The following MTMR12 variants were observed in gnomAD, a reference collection of about 807,000 sequenced individuals.
MTMR12 encodes myotubularin related protein 12.
In MTMR12, 33 loss-of-function variants were observed where a neutral mutation model predicts 96.7. The ratio of observed to expected loss-of-function variants is 0.34; its 90% CI spans 0.26 to 0.46. MTMR12 has a LOEUF of 0.46. Ranked by LOEUF, MTMR12 falls within the 20% of genes least tolerant of loss-of-function variation. The pLI is 1.00. For synonymous variants in MTMR12, 298 were observed against 327.2 expected, an observed-to-expected ratio of 0.91 and a Z score of 0.96; for missense variants, 721 against 896.1, an observed-to-expected ratio of 0.80 and a Z score of 2.49.
At chr5:32,303,847 C>CAAAAAA (rs57459005) in intron 1 of MTMR12, among the ~76,000 whole-genome samples, 5 of 68,370 alleles carry the variant, frequency 7.3e-5, no homozygotes, top group South Asian at 6.4e-4. Context: ...TTTGCCATCT[C>CAAAAAA]AAAAAAAAAA....
intron 1 of MTMR12, among the ~76,000 whole-genome samples, chr5:32,311,208 AT>A (rs35767540): frequency 1.3e-5 from 2 of 152,158 alleles, no homozygotes; most frequent in East Asian, 1.9e-4. Flanking sequence ...ACCCACAAAA[AT>A]TTTTTAAATG....
rs1031843826 is a variant in MTMR12, at chr5:32,241,461, T to C, written c.1171+596A>G. On this transcript the variant is annotated intron_variant, in intron 12 of 15. Coordinates refer to ENST00000382142, the MANE Select transcript of MTMR12 (RefSeq NM_001040446.3). ...AGCATGAGACAATCTACTTAATTTA[T>C]AGTGTGGGGCTAAACGAAACATAGT... 2.0e-5 allele frequency among the ~76,000 whole-genome samples: 3 copies of C among 152,224 alleles called. 1 individual carries two copies. Among genetic ancestry groups the C allele is most frequent in the Non-Finnish European group, 4.4e-5 (3 of 68,034 alleles).
rs140192652 is a variant in MTMR12 at position 32,248,807 on chromosome 5, G to A, written c.861C>T (p.Asp287=). ...AGCTCTTTTGGATTTGTAAAATGCC[G>A]TCATCCTGTTCTTTGGGCAGTGCTG... ...KMSALPKEQD[D]GILQIQKSFL... is the part of the protein sequence containing the mutation. Residue 287 remains aspartate (D), a synonymous_variant, in exon 9 of 16, where the codon GAC becomes GAT. Coordinates refer to ENST00000382142, the MANE Select transcript of MTMR12 (RefSeq NM_001040446.3). The A allele has an allele frequency of 1.1e-4, 185 of 1,614,100 alleles. No individual in the cohort carries two copies. In the African/African-American group the frequency reaches 2.0e-3, roughly 18 times the overall value.
intron 1 of MTMR12, among the ~76,000 whole-genome samples, chr5:32,293,360 A>G (rs1209336490): frequency 1.3e-5 from 2 of 152,258 alleles, no homozygotes; most frequent in East Asian, 1.9e-4. Context: ...GGCAAAAAAA[A>G]GGTGAAAAGG....
At position 32,263,128 on chromosome 5, in the gene MTMR12, T is replaced by C; in HGVS notation, c.698A>G (p.Tyr233Cys). 6.2e-7 allele frequency: 1 copy of C among 1,614,224 alleles called. No homozygotes were observed. The highest frequency in any genetic ancestry group is 8.5e-7 in the Non-Finnish European group (1 of 1,180,032). ...GAAAGCTTACCTCTCACAGACTTTATAGCCTTCGTTGACACTCACTGCTTT... is the reference window on the plus strand; with the variant it reads ...GAAAGCTTACCTCTCACAGACTTTACAGCCTTCGTTGACACTCACTGCTTT... ...KYKAVSVNEGYKVCERLPAYF... is the reference protein window; with the variant it reads ...KYKAVSVNEGCKVCERLPAYF... The change falls in exon 7 of 16, where the codon TAT (tyrosine) becomes TGT (cysteine). Residue 233 changes from tyrosine (Y) to cysteine (C), a missense_variant. Transcript: ENST00000382142.
rs971163413 is a variant in MTMR12 at position 32,305,669 on chromosome 5, C to G, written c.81+7089G>C. Among the ~76,000 whole-genome samples, 5 of 152,156 alleles carry G rather than the reference C, an allele frequency of 3.3e-5. No homozygotes were observed. In the East Asian group the frequency reaches 7.8e-4, roughly 24 times the overall value. On this transcript the variant is annotated intron_variant, in intron 1 of 15. Coordinates refer to ENST00000382142, the MANE Select transcript of MTMR12 (RefSeq NM_001040446.3). ...CTGTAATCCCAGCACTTTGGGAGGC[C>G]AAGGCAGGTGGATCACCTGAGGTTG...
intron 4 of MTMR12, among the ~76,000 whole-genome samples, chr5:32,271,239 G>C (rs1473974425): frequency 6.6e-6 from 1 of 152,100 alleles, no homozygotes; most frequent in Non-Finnish European, 1.5e-5. Context: ...TCTGAAAGTT[G>C]AGCTTATAAA....
chr5:32,309,611 C>T (rs1257743061), intron 1 of MTMR12: 2 of 152,044 alleles, frequency 1.3e-5, no homozygotes, highest in Non-Finnish European at 2.9e-5. Context: ...TACATGAAAA[C>T]GTGCTTAACA....
At chr5:32,299,467 C>T (rs759434221) in intron 1 of MTMR12, among the ~76,000 whole-genome samples, 9 of 152,318 alleles carry the variant, frequency 5.9e-5, no homozygotes, top group African/African-American at 1.2e-4. Flanking sequence ...TTTAAGCTAA[C>T]GGATGTGACT....
At chr5:32,232,143 A>G (rs1238458420) in intron 15 of MTMR12, among the ~76,000 whole-genome samples, 3 of 152,112 alleles carry the variant, frequency 2.0e-5, no homozygotes, top group Admixed American at 6.5e-5. Flanking sequence ...TGCGGCTGAC[A>G]CCGAGGCTGC....
chr5:32,244,271 CCT>C (rs1362034048), intron 10 of MTMR12, among the ~76,000 whole-genome samples: 1 of 150,718 alleles, frequency 6.6e-6, no homozygotes, highest in Non-Finnish European at 1.5e-5. Context: ...AGAGTGAGAC[CCT>C]GTTTCTAAAA....
chr5:32,249,319 G>A (rs181321671), intron 8 of MTMR12, among the ~76,000 whole-genome samples: 37 of 152,238 alleles, frequency 2.4e-4, no homozygotes, highest in African/African-American at 8.7e-4. Flanking sequence ...AGAGATGGAA[G>A]GACTTTCCCA....
At position 32,230,270 on chromosome 5, in the gene MTMR12, A is replaced by G. The variant is rs1315903973; in HGVS notation, c.1752T>C (p.Asp584=). Reference sequence around the variant, plus strand: ...TGCCCAGAAGGTTTTTAATTAAATGATCTGTTTCTTCCCTGAAAAATCCTC... The same window carrying G: ...TGCCCAGAAGGTTTTTAATTAAATGGTCTGTTTCTTCCCTGAAAAATCCTC... The part of the protein sequence containing the change: ...PKRGFFREET[D]HLIKNLLGKR... The change falls in exon 16 of 16, where the codon GAT becomes GAC. Residue 584 remains aspartate (D), a synonymous_variant. Coordinates refer to ENST00000382142, the MANE Select transcript of MTMR12 (RefSeq NM_001040446.3). The G allele has an allele frequency of 1.2e-6, 2 of 1,614,140 alleles. No homozygotes were observed. Among genetic ancestry groups the G allele is most frequent in the Non-Finnish European group, 1.7e-6 (2 of 1,179,992 alleles).
At chr5:32,237,862 G>C (rs977858636) in intron 13 of MTMR12, among the ~76,000 whole-genome samples, 1 of 151,830 alleles carries the variant, frequency 6.6e-6, no homozygotes. Context: ...ACTCTGAATG[G>C]CCAGGTGTGG....
At chr5:32,286,844 T>C (rs1000317093) in intron 1 of MTMR12, among the ~76,000 whole-genome samples, 3 of 152,166 alleles carry the variant, frequency 2.0e-5, no homozygotes, top group African/African-American at 7.2e-5. Flanking sequence ...CTCCTCCTTC[T>C]GGGCACTGCT....
chr5:32,247,862 C>T, intron 10 of MTMR12, 140 bp downstream of exon 10: 1 of 1,372,592 alleles, frequency 7.3e-7, no homozygotes, highest in Non-Finnish European at 9.5e-7. Context: ...GCAGCCAGAC[C>T]CCTGGCTCCA....
chr5:32,235,946 G>A (rs988484830), intron 13 of MTMR12, among the ~76,000 whole-genome samples: 2 of 152,106 alleles, frequency 1.3e-5, no homozygotes, highest in African/African-American at 2.4e-5. Context: ...CCTGGAGGCC[G>A]GTCCCCAGGG....
intron 7 of MTMR12, among the ~76,000 whole-genome samples, chr5:32,259,058 C>T (rs1386162264): frequency 6.6e-6 from 1 of 152,152 alleles, no homozygotes; most frequent in Non-Finnish European, 1.5e-5. Context: ...AGGTGGATTC[C>T]ATGGAGTCCC....
chr5:32,244,275 T>C (rs1161607552), intron 10 of MTMR12, among the ~76,000 whole-genome samples: 3 of 150,356 alleles, frequency 2.0e-5, no homozygotes, highest in Non-Finnish European at 4.4e-5. Context: ...TGAGACCCTG[T>C]TTCTAAAAAA....
Sources: allele counts gnomAD v4.1 joint callset (sites outside exome capture counted in the v4.1 genomes callset), GRCh38; gene constraint gnomAD v4.1.1; transcripts MANE v1.5; gene names NCBI Gene and HGNC (gene_info 2026-07-23, HGNC 2026-07-21).